The following XRN1 variants were observed in gnomAD, a reference collection of about 807,000 sequenced individuals.
XRN1 encodes the protein strand-exchange protein 1 homolog.
In XRN1, 67 loss-of-function variants were observed where a neutral mutation model predicts 222.3. That is an observed-to-expected ratio of 0.30 (90% confidence interval 0.25 to 0.37). XRN1 has a LOEUF of 0.37. Among genes scored for constraint, XRN1 ranks in the 10% least tolerant of loss-of-function variants. XRN1 has a pLI of 1.00. For synonymous variants in XRN1, 643 were observed against 652.4 expected, an observed-to-expected ratio of 0.99 and a Z score of 0.22; for missense variants, 1,707 against 2,000.2, an observed-to-expected ratio of 0.85 and a Z score of 2.80.
chr3:142,311,734 G>A lies in XRN1; in HGVS notation c.4862C>T (p.Thr1621Ile). Residue 1621 changes from threonine to isoleucine, a missense_variant, in exon 41 of 41, where the codon ACT (threonine) becomes ATT (isoleucine). Around this residue, in one of 2 missense-constraint regions of XRN1, gnomAD observed 473 missense variants for 482.0 expected, o/e 0.98. Transcript: ENST00000392981. Reference protein sequence around the residue: ...AQSSQATPVQTSQPDSSNIVK... With the variant: ...AQSSQATPVQISQPDSSNIVK... ...AATGTTGGAAGAATCTGGCTGGCTA[G>A]TCTGAACTGGAGTGGCTTGAGAACT... 1 of 1,614,126 alleles carries A rather than the reference G, an allele frequency of 6.2e-7. No homozygotes were observed.
At position 142,425,301 on chromosome 3, in the gene XRN1, T is replaced by A; in HGVS notation, c.548A>T (p.Glu183Val). The stretch of plus-strand genomic sequence containing the variant: ...CTTTGCTTTCTCGGATCTGATAAAT[T>A]CCATGATTTTATGCTCTCCTTCTCC... ...TPGEGEHKIM[E>V]FIRSEKAKPD... Residue 183 changes from glutamate (E) to valine (V), a missense_variant, in exon 5 of 41, where the codon GAA becomes GTA. Transcript: ENST00000392981. 6.2e-7 allele frequency: 1 copy of A among 1,608,518 alleles called. No homozygotes were observed. The highest frequency in any genetic ancestry group is 8.5e-7 in the Non-Finnish European group (1 of 1,177,266).
chr3:142,336,038 G>A (rs1372514805), intron 33 of XRN1, among the ~76,000 whole-genome samples: 3 of 152,168 alleles, frequency 2.0e-5, no homozygotes, highest in Non-Finnish European at 4.4e-5. Flanking sequence ...AATAGTACAA[G>A]ACCAACTCAG....
chr3:142,356,437 C>G (rs752157954), intron 31 of XRN1, among the ~76,000 whole-genome samples: 1 of 152,092 alleles, frequency 6.6e-6, no homozygotes, highest in Non-Finnish European at 1.5e-5. Context: ...AATAAAGTGT[C>G]TCACACAAGA....
intron 37 of XRN1, among the ~76,000 whole-genome samples, chr3:142,327,219 C>T (rs1175765301): frequency 6.6e-6 from 1 of 152,008 alleles, no homozygotes; most frequent in African/African-American, 2.4e-5. Flanking sequence ...AATTCAGTAG[C>T]GAAAACACCA....
intron 3 of XRN1, 113 bp from the exon 4 acceptor site, chr3:142,425,651 G>T (rs2069218120): frequency 1.3e-6 from 1 of 796,092 alleles, no homozygotes; most frequent in Non-Finnish European, 2.0e-6. Flanking sequence ...GTAGGTATAG[G>T]ATCTCCAAAG....
chr3:142,413,815 T>C (rs867290518), intron 14 of XRN1, among the ~76,000 whole-genome samples: 11 of 152,208 alleles, frequency 7.2e-5, no homozygotes, highest in African/African-American at 7.2e-5. Flanking sequence ...TATAAATGTT[T>C]AGATAAAGTA....
chr3:142,364,932 A>AC, intron 29 of XRN1, 115 bp downstream of exon 29: 3 of 935,772 alleles, frequency 3.2e-6, no homozygotes, highest in Non-Finnish European at 4.2e-6. Flanking sequence ...ACATAAAAAG[A>AC]TTGTTTGTTC....
At chr3:142,428,653 G>A (rs932955250) in intron 2 of XRN1, among the ~76,000 whole-genome samples, 1 of 152,306 alleles carries the variant, frequency 6.6e-6, no homozygotes, top group Non-Finnish European at 1.5e-5. Context: ...ATGAGGAAGA[G>A]CAAGAAGTCC....
At chr3:142,348,630 T>C (rs1238568161) in intron 32 of XRN1, among the ~76,000 whole-genome samples, 1 of 152,160 alleles carries the variant, frequency 6.6e-6, no homozygotes, top group Non-Finnish European at 1.5e-5. Context: ...TGGTAGGCTC[T>C]ATTTACTTTC....
intron 33 of XRN1, 132 bp downstream of exon 33, chr3:142,347,102 A>G (rs2066166294): frequency 1.5e-6 from 1 of 674,044 alleles, no homozygotes; most frequent in Non-Finnish European, 2.4e-6. Context: ...TTGTGAAAAT[A>G]CAAAAAACCA....
chr3:142,393,176 G>GT (rs1251906214), intron 20 of XRN1, among the ~76,000 whole-genome samples: 4 of 145,068 alleles, frequency 2.8e-5, no homozygotes, highest in African/African-American at 1.0e-4. Flanking sequence ...GGGGTTGTTT[G>GT]TTTTTTTCTT....
intron 2 of XRN1, among the ~76,000 whole-genome samples, chr3:142,427,374 C>T (rs946794076): frequency 6.6e-6 from 1 of 151,576 alleles, no homozygotes; most frequent in African/African-American, 2.4e-5. Flanking sequence ...ATTAGGAATA[C>T]AGAAGTAGAA....
intron 15 of XRN1, among the ~76,000 whole-genome samples, chr3:142,408,437 T>G (rs2068436555): frequency 6.6e-6 from 1 of 152,192 alleles, no homozygotes; most frequent in South Asian, 2.1e-4. Flanking sequence ...GCGATGCAAA[T>G]AAGCTGTGTT....
chr3:142,336,677 G>A (rs567371422), intron 33 of XRN1, among the ~76,000 whole-genome samples: 19 of 151,958 alleles, frequency 1.3e-4, no homozygotes, highest in African/African-American at 4.3e-4. Flanking sequence ...GAGAGGAAGG[G>A]AAGAAAGTAA....
chr3:142,432,619 C>A, intron 2 of XRN1, 42 bp downstream of exon 2: 2 of 1,436,752 alleles, frequency 1.4e-6, no homozygotes, highest in Non-Finnish European at 1.9e-6. Context: ...CATATTTTTA[C>A]TAAGCTAAAT....
chr3:142,415,056 C>G lies in XRN1; in HGVS notation c.1437-765G>C, dbSNP rs564896202. 3.3e-5 allele frequency among the ~76,000 whole-genome samples: 5 copies of G among 152,214 alleles called. No homozygotes were observed. The East Asian group carries it at 7.7e-4, about 24-fold the overall frequency. ...CACAAGGAGAGGAAGAAAAGTGAGT[C>G]TGAGGTTATCTGGCCATTACCAGTC... On this transcript the variant is annotated intron_variant, in intron 13 of 40. Transcript: ENST00000392981.
intron 29 of XRN1, 68 bp downstream of exon 29, chr3:142,364,977 AAC>A (rs2107862829): frequency 6.7e-7 from 1 of 1,482,716 alleles, no homozygotes; most frequent in South Asian, 1.4e-5. Context: ...AGATATAAAA[AAC>A]AGACAAGCCT....
At chr3:142,397,231 C>A in intron 20 of XRN1, 98 bp downstream of exon 20, 1 of 1,158,702 alleles carries the variant, frequency 8.6e-7, no homozygotes, top group Non-Finnish European at 1.2e-6. Flanking sequence ...AATTAGTATT[C>A]AGAGTAACTA....
chr3:142,306,666 G>A lies in XRN1; in HGVS notation c.*4845C>T, dbSNP rs1349941146. 1 of 152,460 alleles carries A rather than the reference G, an allele frequency of 6.6e-6. No individual in the cohort carries two copies. The highest frequency in any genetic ancestry group is 1.5e-5 in the Non-Finnish European group (1 of 68,038). The allele number at this position is 152,460 out of a possible 1,614,324, so 9.4% of individuals were successfully genotyped here. On this transcript the variant is annotated 3_prime_UTR_variant, in exon 41 of 41. Transcript: ENST00000392981. ...CATAGAGCATTTAACATGAACAGAT[G>A]TTTAAACTCTTTCAGTGACTCTCAT...
Sources: allele counts gnomAD v4.1 joint callset (sites outside exome capture counted in the v4.1 genomes callset), GRCh38; gene constraint gnomAD v4.1.1; regional missense constraint gnomAD v4.1.1; transcripts MANE v1.5; gene names NCBI Gene and HGNC (gene_info 2026-07-23, HGNC 2026-07-21).